Variants in CAND2 observed in about 807,000 individuals in gnomAD.
The protein encoded by CAND2 is cullin associated and neddylation dissociated 2 (putative), also known as cullin-associated NEDD8-dissociated protein 2.
A neutral mutation model predicts 98.9 loss-of-function variants in CAND2; 62 were observed. The observed-to-expected ratio is 0.63, with a 90% CI of 0.51 to 0.77. The LOEUF (loss-of-function observed/expected upper bound fraction) is 0.77. Ranked by LOEUF, CAND2 falls within the 30% of genes least tolerant of loss-of-function variation. CAND2 has a pLI of 0.00. For synonymous variants in CAND2, 770 were observed against 731.9 expected (o/e 1.05, Z -0.84); for missense variants, 1,501 against 1,655.2 (o/e 0.91, Z 1.62).
In CAND2 at chr3:12,816,418, C is replaced by T. The variant is rs538351227; in HGVS notation, c.1486C>T (p.Arg496Trp). 3.8e-5 allele frequency: 62 copies of T among 1,613,788 alleles called. 1 individual carries two copies. The East Asian group carries it at 5.8e-4, about 15-fold the overall frequency. ...LADRSSSSTI[R>W]MDALAFLQGL... Reference sequence around the variant, plus strand: ...CGACCGCTCCAGCTCCTCCACCATCCGGATGGATGCCCTGGCCTTCTTGCA... The same window carrying T: ...CGACCGCTCCAGCTCCTCCACCATCTGGATGGATGCCCTGGCCTTCTTGCA... The change falls in exon 10 of 15, where the codon CGG becomes TGG. Residue 496 changes from arginine (R) to tryptophan (W), a missense_variant. By Grantham distance (101) the Arg-to-Trp change is moderately radical. This residue lies in a region of CAND2 where 1,427 missense variants were observed against 1,545.3 expected (regional missense o/e 0.92). Coordinates refer to ENST00000456430, the MANE Select transcript of CAND2 (RefSeq NM_001162499.2).
rs531439250 is a variant in CAND2, at chr3:12,812,221, C to CTTTTTTT, written c.758-756_758-750dup. ...ACCATGCCCGGCCTAAGCTGTTTAT[C>CTTTTTTT]TTTTTTTTTTTTTTTTTTTGGAGAT... On this transcript the variant is annotated intron_variant, in intron 5 of 14. Coordinates refer to ENST00000456430, the MANE Select transcript of CAND2 (RefSeq NM_001162499.2). Among the ~76,000 whole-genome samples, 443 of 74,478 alleles carry CTTTTTTT rather than the reference C, an allele frequency of 5.9e-3. 62 individuals are homozygous for CTTTTTTT. Among genetic ancestry groups the CTTTTTTT allele is most frequent in the African/African-American group, 0.024 (416 of 17,368 alleles). The allele number at this position is 74,478 out of a possible 152,430, so 48.9% of individuals were successfully genotyped here. A position where few individuals can be genotyped will look rare whatever the true frequency, so the allele number is the denominator to read the frequency against.
chr3:12,819,719 T>A (rs1262660481), intron 10 of CAND2, among the ~76,000 whole-genome samples: 1 of 152,234 alleles, frequency 6.6e-6, no homozygotes, highest in African/African-American at 2.4e-5. Flanking sequence ...TTATTGGTTC[T>A]TTTAATACTA....
Position 12,833,745 on chromosome 3 carries a change from C to T in CAND2, c.3484-10C>T. 1 of 1,610,826 alleles carries T rather than the reference C, an allele frequency of 6.2e-7. No homozygotes were observed. Among genetic ancestry groups the T allele is most frequent in the Non-Finnish European group, 8.5e-7 (1 of 1,177,104 alleles). ...TAAAGGATGGCTGCTTCTGCTGTTT[C>T]CTACTTTAGGTCAAAGCTGGTTCTG... is the stretch of plus-strand genomic sequence containing the variant. On this transcript the variant is annotated splice_polypyrimidine_tract_variant and intron_variant, in intron 14 of 14. Coordinates refer to ENST00000456430, the MANE Select transcript of CAND2 (RefSeq NM_001162499.2).
chr3:12,816,137 A>C, intron 9 of CAND2, 129 bp downstream of exon 9: 6 of 991,788 alleles, frequency 6.0e-6, no homozygotes, highest in Non-Finnish European at 9.0e-6. Flanking sequence ...CCTGGTCAAG[A>C]GTCTCCAGTG....
chr3:12,800,869 T>C (rs892143293), intron 1 of CAND2, among the ~76,000 whole-genome samples: 2 of 150,898 alleles, frequency 1.3e-5, no homozygotes, highest in African/African-American at 4.9e-5. Flanking sequence ...ACTACAGGTG[T>C]GCACCACCAT....
intron 1 of CAND2, among the ~76,000 whole-genome samples, chr3:12,799,194 C>T (rs545647677): frequency 6.6e-6 from 1 of 152,254 alleles, no homozygotes; most frequent in African/African-American, 2.4e-5. Context: ...CCTCCCTGAG[C>T]CTAGTTTTCT....
intron 10 of CAND2, among the ~76,000 whole-genome samples, chr3:12,819,649 C>T (rs1448335252): frequency 6.6e-6 from 1 of 152,198 alleles, no homozygotes; most frequent in Non-Finnish European, 1.5e-5. Flanking sequence ...TAGACATGAA[C>T]TTAAACCCTC....
At chr3:12,826,912 C>G (rs187307209) in intron 12 of CAND2, among the ~76,000 whole-genome samples, 94 of 150,662 alleles carry the variant, frequency 6.2e-4, no homozygotes, top group South Asian at 1.3e-3. Context: ...CTCACTGCAA[C>G]CTCCACCTCC....
rs145134860 is a variant in CAND2, at chr3:12,820,138, G to T, written c.2997G>T (p.Ser999=). The T allele has an allele frequency of 6.2e-7, 1 of 1,614,112 alleles. No homozygotes were observed. The highest frequency in any genetic ancestry group is 2.2e-5 in the East Asian group (1 of 44,876). The change falls in exon 11 of 15, where the codon TCG becomes TCT. Residue 999 remains serine, a synonymous_variant. Transcript: ENST00000456430. ...TCACAGCGGTCAAGTTCCTTATCTC[G>T]GACCAGCCCCATCCCATTGACCCCC... ...TVITAVKFLI[S]DQPHPIDPLL... is the part of the protein sequence containing the mutation.
chr3:12,811,679 C>A (rs2124846484), intron 5 of CAND2, among the ~76,000 whole-genome samples: 1 of 152,258 alleles, frequency 6.6e-6, no homozygotes, highest in East Asian at 1.9e-4. Context: ...TCAAGTGATT[C>A]TCCTGTCTCA....
Position 12,810,147 on chromosome 3 carries a change from C to T in CAND2, c.580C>T (p.Arg194Trp), listed in dbSNP as rs1415971210. The T allele has an allele frequency of 2.6e-6, 4 of 1,523,674 alleles. No homozygotes were observed. Among genetic ancestry groups the T allele is most frequent in the Non-Finnish European group, 3.5e-6 (4 of 1,140,984 alleles). 94.4% of individuals were successfully genotyped at this position (1,523,674 alleles called of 1,614,324 possible). The change falls in exon 5 of 15, where the codon CGG (arginine) becomes TGG (tryptophan). Residue 194 changes from arginine (R) to tryptophan (W), a missense_variant. Around this residue, in one of 3 missense-constraint regions of CAND2, gnomAD observed 1,427 missense variants for 1,545.3 expected, o/e 0.92. Transcript: ENST00000456430. ...CAGCCCGCGCCTGGCGGTGCGCAAGCGGGCGGTCGGAGCGCTTGGCCACCT... is the reference window on the plus strand; with the variant it reads ...CAGCCCGCGCCTGGCGGTGCGCAAGTGGGCGGTCGGAGCGCTTGGCCACCT... ...LSSPRLAVRK[R>W]AVGALGHLAA...
intron 10 of CAND2, among the ~76,000 whole-genome samples, chr3:12,819,562 G>A (rs1248054928): frequency 3.9e-5 from 6 of 152,186 alleles, no homozygotes; most frequent in Admixed American, 3.3e-4. Context: ...GTTCTGTTAG[G>A]CCTCCCTGAC....
At chr3:12,821,374 T>C (rs2061956086) in intron 11 of CAND2, among the ~76,000 whole-genome samples, 1 of 152,064 alleles carries the variant, frequency 6.6e-6, no homozygotes, top group South Asian at 2.1e-4. Context: ...CACTCTAATC[T>C]GGGCAACAAG....
chr3:12,796,835 G>A, intron 1 of CAND2, 47 bp downstream of exon 1: 1 of 1,493,830 alleles, frequency 6.7e-7, no homozygotes, highest in African/African-American at 1.4e-5. Context: ...CTCTGAAGCC[G>A]GGGGCCTTCT....
intron 14 of CAND2, among the ~76,000 whole-genome samples, chr3:12,832,017 T>C (rs2086014981): frequency 6.6e-6 from 1 of 152,160 alleles, no homozygotes; most frequent in Admixed American, 6.5e-5. Context: ...GGAGGAGGGA[T>C]GTGGGGTGCA....
chr3:12,813,188 T>G (rs945305626), intron 6 of CAND2, 58 bp from the exon 7 acceptor site: 9 of 1,601,094 alleles, frequency 5.6e-6, no homozygotes, highest in Non-Finnish European at 7.7e-6. Context: ...CATTGGGCCC[T>G]GTCCCCCACT....
rs568690206 is a variant in CAND2, at chr3:12,816,898, A to G, written c.1966A>G (p.Ile656Val). The G allele has an allele frequency of 1.0e-4, 165 of 1,613,842 alleles. 1 individual carries two copies. The Admixed American group carries it at 2.6e-3, about 25-fold the overall frequency. ...GCCCATCCTGGCCGAGGCACTGCAC[A>G]TTCTGGCCTCATTCCTGCGGAAGAA... ...LQPILAEALH[I>V]LASFLRKNQR... The change falls in exon 10 of 15, where the codon ATT becomes GTT. Residue 656 changes from isoleucine to valine, a missense_variant. By Grantham distance (29) the Ile-to-Val change is conservative. Around this residue, in one of 3 missense-constraint regions of CAND2, gnomAD observed 1,427 missense variants for 1,545.3 expected, o/e 0.92. Coordinates refer to ENST00000456430, the MANE Select transcript of CAND2 (RefSeq NM_001162499.2).
chr3:12,817,781 A>T lies in CAND2; in HGVS notation c.2849A>T (p.Glu950Val), dbSNP rs2061922015. The change falls in exon 10 of 15, where the codon GAG (glutamate) becomes GTG (valine). Residue 950 changes from glutamate (E) to valine (V), a missense_variant. This residue lies in a region of CAND2 where 1,427 missense variants were observed against 1,545.3 expected (regional missense o/e 0.92). Coordinates refer to ENST00000456430, the MANE Select transcript of CAND2 (RefSeq NM_001162499.2). The part of the protein sequence containing the change: ...LLFQRCEGAE[E>V]GTRGVVAECI... Reference sequence around the variant, plus strand: ...TTCCAGCGCTGCGAGGGTGCTGAGGAGGGCACCCGGGGGGTGGTGGCCGAG... The same window carrying T: ...TTCCAGCGCTGCGAGGGTGCTGAGGTGGGCACCCGGGGGGTGGTGGCCGAG... 1 of 1,540,886 alleles carries T rather than the reference A, an allele frequency of 6.5e-7. No individual in the cohort carries two copies. The highest frequency in any genetic ancestry group is 2.0e-5 in the Admixed American group (1 of 48,942).
At position 12,833,829 on chromosome 3, in the gene CAND2, T is replaced by C. The variant is rs73815710; in HGVS notation, c.3558T>C (p.Ala1186=). 226 of 1,614,200 alleles carry C rather than the reference T, an allele frequency of 1.4e-4. No individual in the cohort carries two copies. In the Middle Eastern group the frequency reaches 2.8e-3, roughly 20 times the overall value. The change falls in exon 15 of 15, where the codon GCT becomes GCC. Residue 1186 remains alanine, a synonymous_variant. Coordinates refer to ENST00000456430, the MANE Select transcript of CAND2 (RefSeq NM_001162499.2). The part of the protein sequence containing the change: ...ELKRSAMRAV[A]ALLTIPEVGK... ...AGCGCTCTGCAATGAGGGCAGTGGC[T>C]GCCCTGCTGACCATCCCCGAGGTGG...
Sources: allele counts gnomAD v4.1 joint callset (sites outside exome capture counted in the v4.1 genomes callset), GRCh38; gene constraint gnomAD v4.1.1; regional missense constraint gnomAD v4.1.1; transcripts MANE v1.5; gene names NCBI Gene and HGNC (gene_info 2026-07-23, HGNC 2026-07-21).